LNX1: variants seen among roughly 807,000 people sequenced by gnomAD.
LNX1 encodes the protein E3 ubiquitin-protein ligase LNX.
Under a neutral mutation model 68.4 loss-of-function variants are expected in LNX1, and 54 were observed. That is an observed-to-expected ratio of 0.79 (90% CI 0.63 to 0.99). LNX1 has a LOEUF of 0.99. Among genes scored for constraint, LNX1 ranks in the 50% least tolerant of loss-of-function variants. LNX1 has a pLI of 0.00. For missense variants in LNX1, 906 were observed against 926.4 expected, an observed-to-expected ratio of 0.98 and a Z score of 0.29; for synonymous variants, 336 against 350.0, an observed-to-expected ratio of 0.96 and a Z score of 0.45.
intron 1 of LNX1, among the ~76,000 whole-genome samples, chr4:53,650,200 A>G (rs1735042428): frequency 6.6e-6 from 1 of 152,210 alleles, no homozygotes; most frequent in Non-Finnish European, 1.5e-5. Context: ...ACACAGGTAC[A>G]TACACAAATG....
intron 2 of LNX1, among the ~76,000 whole-genome samples, chr4:53,612,467 A>G (rs946092001): frequency 6.6e-6 from 1 of 152,190 alleles, no homozygotes; most frequent in African/African-American, 2.4e-5. Context: ...GCAAATTAGA[A>G]AAGCTAAGTG....
intron 2 of LNX1, among the ~76,000 whole-genome samples, chr4:53,564,577 A>C (rs1464381056): frequency 6.6e-6 from 1 of 152,196 alleles, no homozygotes; most frequent in Non-Finnish European, 1.5e-5. Context: ...AGAACCTCTG[A>C]GTATGTCACT....
chr4:53,622,356 C>A (rs1324431553), upstream of LNX1, among the ~76,000 whole-genome samples: 2 of 152,106 alleles, frequency 1.3e-5, no homozygotes, highest in Non-Finnish European at 2.9e-5. Context: ...AATTTTCAAA[C>A]CACTAGCCTT....
At chr4:53,632,686 AT>A in intron 1 of LNX1, among the ~76,000 whole-genome samples, 1 of 152,186 alleles carries the variant, frequency 6.6e-6, no homozygotes, top group African/African-American at 2.4e-5. Context: ...TGGCTTGAGG[AT>A]TTTTAAACTA....
intron 2 of LNX1, among the ~76,000 whole-genome samples, chr4:53,545,344 GC>G (rs1729034160): frequency 6.6e-6 from 1 of 152,112 alleles, no homozygotes; most frequent in South Asian, 2.1e-4. Flanking sequence ...ATCCATCTCA[GC>G]CCCCCAACCT....
At chr4:53,515,310 C>A (rs1333606529) in intron 2 of LNX1, among the ~76,000 whole-genome samples, 2 of 152,218 alleles carry the variant, frequency 1.3e-5, no homozygotes, top group Non-Finnish European at 2.9e-5. Context: ...GTAAACATTT[C>A]TTGAATTGAT....
chr4:53,593,003 AG>A (rs1369398079), upstream of LNX1: 1 of 152,184 alleles, frequency 6.6e-6, no homozygotes, highest in African/African-American at 2.4e-5. Context: ...GCCTTTTGAG[AG>A]TTGAAGGCTT....
chr4:53,596,782 C>A (rs1732773236), intron 2 of LNX1, among the ~76,000 whole-genome samples: 1 of 152,110 alleles, frequency 6.6e-6, no homozygotes, highest in African/African-American at 2.4e-5. Context: ...TCCCTGACTT[C>A]CCCCTATTAT....
chr4:53,491,291 T>C (rs1270647263), intron 6 of LNX1, among the ~76,000 whole-genome samples: 3 of 147,612 alleles, frequency 2.0e-5, no homozygotes, highest in Non-Finnish European at 4.5e-5. Flanking sequence ...AAAAAAATCT[T>C]GCTAAGAATG....
chr4:53,586,160 G>A (rs1160767442), intron 1 of LNX1, among the ~76,000 whole-genome samples: 2 of 151,932 alleles, frequency 1.3e-5, no homozygotes, highest in African/African-American at 2.4e-5. Flanking sequence ...GCCACAGATA[G>A]AATGGCTGAG....
At chr4:53,565,162 T>A (rs1364197020) in intron 2 of LNX1, among the ~76,000 whole-genome samples, 4 of 152,156 alleles carry the variant, frequency 2.6e-5, no homozygotes, top group Non-Finnish European at 4.4e-5. Context: ...CAGGGAGGCC[T>A]GCCTGCCTCT....
At chr4:53,604,905 G>A (rs1733165703) in intron 2 of LNX1, among the ~76,000 whole-genome samples, 1 of 152,198 alleles carries the variant, frequency 6.6e-6, no homozygotes, top group Non-Finnish European at 1.5e-5. Flanking sequence ...TCCAGGGCAA[G>A]TAAAATGTAA....
rs371219326 is a variant in LNX1, at chr4:53,637,511, T to C, written c.-215+14657A>G. ...AATGCTTTGCACTACACCTGTCATT[T>C]CACATGTTATTTACTTTTTCACAAC... On this transcript the variant is annotated intron_variant, in intron 1 of 2. Coordinates refer to the LNX1 transcript ENST00000507168. 5.9e-5 allele frequency among the ~76,000 whole-genome samples: 9 copies of C among 152,318 alleles called. No homozygotes were observed. The South Asian group carries it at 1.7e-3, about 28-fold the overall frequency.
chr4:53,459,462 C>T lies in LNX1; in HGVS notation c.*1445G>A. 6.2e-7 allele frequency: 1 copy of T among 1,612,868 alleles called. No homozygotes were observed. Among genetic ancestry groups the T allele is most frequent in the Non-Finnish European group, 8.5e-7 (1 of 1,179,310 alleles). ...ACCTGCAGAATAGGCATGGTTTTGG[C>T]CTTTTGTGTATATTAGTACCAGAAG... is the stretch of plus-strand genomic sequence containing the variant. On this transcript the variant is annotated 3_prime_UTR_variant, in exon 11 of 11. Transcript: ENST00000263925.
upstream of LNX1, among the ~76,000 whole-genome samples, chr4:53,617,844 T>A (rs1733735797): frequency 6.6e-6 from 1 of 152,206 alleles, no homozygotes; most frequent in South Asian, 2.1e-4. Context: ...AAATGCTCTA[T>A]TATTTGTTAA....
At chr4:53,549,323 A>C (rs1429411656) in intron 2 of LNX1, 1 of 152,076 alleles carries the variant, frequency 6.6e-6, no homozygotes, top group African/African-American at 2.4e-5. Context: ...TGGACAGTAA[A>C]TTAAAACCAT....
chr4:53,587,045 T>C (rs1732212343), intron 1 of LNX1, among the ~76,000 whole-genome samples: 1 of 152,132 alleles, frequency 6.6e-6, no homozygotes, highest in Non-Finnish European at 1.5e-5. Flanking sequence ...GCACTAAATA[T>C]GCCAAAAAAA....
At chr4:53,477,800 G>A (rs1723660992) in intron 8 of LNX1, among the ~76,000 whole-genome samples, 3 of 152,036 alleles carry the variant, frequency 2.0e-5, no homozygotes, top group Admixed American at 2.0e-4. Flanking sequence ...AAAAGAGAAA[G>A]GCCTTGAGTC....
chr4:53,587,484 C>T (rs1282804702), intron 1 of LNX1, among the ~76,000 whole-genome samples: 1 of 152,132 alleles, frequency 6.6e-6, no homozygotes, highest in Non-Finnish European at 1.5e-5. Flanking sequence ...AAAAGAGAGT[C>T]TATGTAATGT....
Sources: gnomAD v4.1 joint callset for allele counts (sites outside exome capture counted in the v4.1 genomes callset) on GRCh38, gnomAD v4.1.1 for gene constraint, MANE v1.5 for transcripts, NCBI Gene and HGNC (gene_info 2026-07-23, HGNC 2026-07-21) for gene names.